The following RAMACL variants were observed in gnomAD, a reference collection of about 807,000 sequenced individuals.
The protein encoded by RAMACL is RNA guanine-N7 methyltransferase-activating subunit-like protein.
In RAMACL, 9 loss-of-function variants were observed where a neutral mutation model predicts 13.4. The observed-to-expected ratio is 0.67, with a 90% CI of 0.41 to 1.17. RAMACL has a LOEUF of 1.17. Among genes scored for constraint, RAMACL ranks in the 50% most tolerant of loss-of-function variants. The pLI is 0.01. For missense variants in RAMACL, 124 were observed against 141.6 expected, an observed-to-expected ratio of 0.88 and a Z score of 0.63; for synonymous variants, 39 against 49.3, an observed-to-expected ratio of 0.79 and a Z score of 0.88.
At chr6:166,586,104 A>G in exon 1 of RAMACL, 1 of 1,347,502 alleles carries the variant, frequency 7.4e-7, no homozygotes, top group Non-Finnish European at 9.8e-7. Flanking sequence ...TTTTACTAAA[A>G]GCTGCCAACA....
chr6:166,586,312 T>C, exon 1 of RAMACL: 2 of 1,599,288 alleles, frequency 1.3e-6, no homozygotes, highest in Non-Finnish European at 1.7e-6. Flanking sequence ...TGCAACCGAT[T>C]GCCTCTGTTT....
exon 1 of RAMACL, among the ~76,000 whole-genome samples, chr6:166,585,705 G>A (rs933407403): frequency 2.2e-5 from 2 of 90,322 alleles, no homozygotes; most frequent in Admixed American, 2.3e-4. Context: ...AAGCATAGCT[G>A]TGCATTCATG....
rs200684370 is a variant in RAMACL at position 166,586,147 on chromosome 6, G to A, written c.331C>T (p.Gln111Ter). 5.7e-3 allele frequency: 8,750 copies of A among 1,542,072 alleles called. 558 individuals are homozygous for A. In the Admixed American group the frequency reaches 0.11, roughly 19 times the overall value. The stretch of plus-strand genomic sequence containing the variant: ...CAGTAGTAACCGTAAGGAGGCCGCT[G>A]GTTGTAACCATAATGTCCATATTGC... Residue 111 changes from glutamine (Q) to a stop codon, truncating the protein, a stop_gained, in exon 1 of 1, where the codon CAG becomes TAG. Transcript: ENST00000444122. LOFTEE classifies it high-confidence loss of function.
chr6:166,583,195 T>C (rs543763784), downstream of RAMACL, among the ~76,000 whole-genome samples: 3 of 152,352 alleles, frequency 2.0e-5, no homozygotes, highest in East Asian at 5.8e-4. Flanking sequence ...AAATTGCTAC[T>C]TGTGAGCTAA....
At position 166,586,508 on chromosome 6, in the gene RAMACL, T is replaced by C. The variant is rs563125076; in HGVS notation, c.-31A>G. 78 of 1,580,246 alleles carry C rather than the reference T, an allele frequency of 4.9e-5. No homozygotes were observed. In the East Asian group the frequency reaches 1.6e-3, roughly 33 times the overall value. On this transcript the variant is annotated 5_prime_UTR_variant, in exon 1 of 1. In the 5' UTR this introduces an upstream ATG that the reference lacks. Transcript: ENST00000444122. ...AAATCCCAAAGGTTTGAGGCAGCTGTATTGCTTAATGTTTAGGTTGTTTAA... is the reference window on the plus strand; with the variant it reads ...AAATCCCAAAGGTTTGAGGCAGCTGCATTGCTTAATGTTTAGGTTGTTTAA...
downstream of RAMACL, among the ~76,000 whole-genome samples, chr6:166,584,946 C>T (rs1785122447): frequency 6.6e-6 from 1 of 152,202 alleles, no homozygotes. Flanking sequence ...GAGGGGGTGG[C>T]ACATTGGTGT....
At chr6:166,584,824 G>C (rs984280065), downstream of RAMACL, among the ~76,000 whole-genome samples, 12 of 152,238 alleles carry the variant, frequency 7.9e-5, no homozygotes, top group African/African-American at 2.9e-4. Context: ...GACCATGATT[G>C]ATCTATTTGA....
exon 1 of RAMACL, chr6:166,586,308 C>T (rs1179739947): frequency 1.5e-5 from 24 of 1,599,026 alleles, no homozygotes; most frequent in East Asian, 4.5e-5. Flanking sequence ...GTCTTGCAAC[C>T]GATTGCCTCT....
downstream of RAMACL, among the ~76,000 whole-genome samples, chr6:166,583,572 G>A (rs1279192732): frequency 1.3e-5 from 2 of 152,184 alleles, no homozygotes; most frequent in African/African-American, 2.4e-5. Flanking sequence ...CTGTCCAGAG[G>A]TGACAAAGGA....
chr6:166,585,049 T>G (rs150074209), downstream of RAMACL, among the ~76,000 whole-genome samples: 1 of 152,024 alleles, frequency 6.6e-6, no homozygotes, highest in African/African-American at 2.4e-5. Context: ...TCTTTGCACC[T>G]CTGAGTGCTG....
exon 1 of RAMACL, among the ~76,000 whole-genome samples, chr6:166,585,756 A>G (rs1785152938): frequency 1.3e-5 from 1 of 75,184 alleles, no homozygotes; most frequent in South Asian, 4.3e-4. Context: ...AAACGAGCAC[A>G]TCTAAGCATA....
exon 1 of RAMACL, chr6:166,586,183 A>G: frequency 6.3e-7 from 1 of 1,577,958 alleles, no homozygotes; most frequent in Non-Finnish European, 8.5e-7. Context: ...TGGGGATAGT[A>G]AGGTTCTTGT....
exon 1 of RAMACL, chr6:166,586,290 T>G: frequency 3.1e-6 from 5 of 1,598,490 alleles, no homozygotes; most frequent in Non-Finnish European, 4.2e-6. Flanking sequence ...GCCTCTGAAC[T>G]GTCTGTTGTC....
At chr6:166,586,243 A>G in exon 1 of RAMACL, 1 of 1,594,638 alleles carries the variant, frequency 6.3e-7, no homozygotes, top group Non-Finnish European at 8.5e-7. Flanking sequence ...CACTGATTGG[A>G]TCGATTGTCA....
At chr6:166,584,846 G>C (rs1271107065), downstream of RAMACL, among the ~76,000 whole-genome samples, 2 of 152,156 alleles carry the variant, frequency 1.3e-5, no homozygotes, top group Non-Finnish European at 2.9e-5. Context: ...ATGCAATATT[G>C]GTCCAGAAAC....
chr6:166,586,215 C>T (rs1207419752), exon 1 of RAMACL: 2 of 1,590,418 alleles, frequency 1.3e-6, no homozygotes, highest in South Asian at 1.1e-5. Context: ...GTAGTTGTTA[C>T]CCCAGGATCG....
Position 166,586,133 on chromosome 6 carries a change from G to A in RAMACL, c.345C>T (p.Tyr115=), listed in dbSNP as rs528722437. 4.3e-4 allele frequency: 646 copies of A among 1,506,948 alleles called. 94 individuals are homozygous for A. In the African/African-American group the frequency reaches 0.011, roughly 25 times the overall value. The allele number at this position is 1,506,948 out of a possible 1,614,324, so 93.3% of individuals were successfully genotyped here. The stretch of plus-strand genomic sequence containing the variant: ...GCCAACATTTCTATCAGTAGTAACC[G>A]TAAGGAGGCCGCTGGTTGTAACCAT... The change falls in exon 1 of 1, where the codon TAC becomes TAT. Residue 115 remains tyrosine (Y), a synonymous_variant. Coordinates refer to ENST00000444122, the Ensembl canonical transcript of RAMACL.
At chr6:166,583,250 A>G (rs1785074175), downstream of RAMACL, among the ~76,000 whole-genome samples, 1 of 152,180 alleles carries the variant, frequency 6.6e-6, no homozygotes. Flanking sequence ...TGCCTCATCC[A>G]AGGCCCTGAT....
downstream of RAMACL, among the ~76,000 whole-genome samples, chr6:166,584,758 C>T (rs547336034): frequency 1.3e-5 from 2 of 152,308 alleles, no homozygotes; most frequent in South Asian, 2.1e-4. Context: ...TCAGTAAATA[C>T]GTTGAGGAGC....
Sources: gnomAD v4.1 joint callset for allele counts (sites outside exome capture counted in the v4.1 genomes callset) on GRCh38, gnomAD v4.1.1 for gene constraint, MANE v1.5 for transcripts, NCBI Gene and HGNC (gene_info 2026-07-23, HGNC 2026-07-21) for gene names.